SELENOO: variants seen among roughly 807,000 people sequenced by gnomAD.
SELENOO encodes the protein selenoprotein O.
SELENOO carries 74 observed loss-of-function variants against 58.7 expected under a neutral mutation model. The observed-to-expected ratio is 1.26, with a 90% CI of 1.04 to 1.53. The LOEUF is 1.53. Among genes scored for constraint, SELENOO ranks in the 40% most tolerant of loss-of-function variants. The pLI, the probability that SELENOO is intolerant of heterozygous loss-of-function variation, is 0.00. For synonymous variants in SELENOO, 543 were observed against 453.2 expected (o/e 1.20, Z -2.52); for missense variants, 1,149 against 970.0 (o/e 1.18, Z -2.45).
intron 1 of SELENOO, 114 bp downstream of exon 1, chr22:50,201,704 C>T: frequency 1.3e-6 from 1 of 774,472 alleles, no homozygotes; most frequent in Non-Finnish European, 1.7e-6. Flanking sequence ...GGGGCCTCCC[C>T]TGCACCCGCG....
chr22:50,216,124 G>C (rs2064408591), intron 6 of SELENOO, among the ~76,000 whole-genome samples: 2 of 152,200 alleles, frequency 1.3e-5, no homozygotes, highest in African/African-American at 4.8e-5. Context: ...TTCAGAGAAA[G>C]CCTCTGGGTT....
At chr22:50,207,976 G>A (rs377382564) in intron 2 of SELENOO, among the ~76,000 whole-genome samples, 9 of 150,894 alleles carry the variant, frequency 6.0e-5, no homozygotes, top group African/African-American at 1.9e-4. Context: ...GGGCCTGCCC[G>A]GCACGTGCCC....
At chr22:50,212,595 G>C (rs980851200) in intron 5 of SELENOO, among the ~76,000 whole-genome samples, 1 of 152,256 alleles carries the variant, frequency 6.6e-6, no homozygotes, top group African/African-American at 2.4e-5. Flanking sequence ...TGTGTGAGCC[G>C]GTTACCAGCT....
In SELENOO at chr22:50,210,746, G is replaced by C; in HGVS notation, c.1186G>C (p.Glu396Gln). ...LRKLAEALQP[E>Q]LPLELGEAIL... ...GAAGCTGGCCGAGGCCCTGCAGCCG[G>C]AACTGCCCCTGGAGCTGGGGGAGGC... The change falls in exon 5 of 9, where the codon GAA becomes CAA. Residue 396 changes from glutamate to glutamine, a missense_variant. Physicochemically the swap from Glu to Gln is conservative, Grantham distance 29. Coordinates refer to ENST00000380903, the MANE Select transcript of SELENOO (RefSeq NM_031454.2). The C allele has an allele frequency of 1.2e-6, 2 of 1,613,690 alleles. No homozygotes were observed. Among genetic ancestry groups the C allele is most frequent in the Non-Finnish European group, 1.7e-6 (2 of 1,180,022 alleles).
At chr22:50,212,869 G>A (rs970900351) in intron 5 of SELENOO, among the ~76,000 whole-genome samples, 6 of 152,018 alleles carry the variant, frequency 3.9e-5, no homozygotes, top group Admixed American at 2.6e-4. Flanking sequence ...TCTAATCTTC[G>A]TGTAAGTGGA....
chr22:50,217,494 T>A lies in SELENOO; in HGVS notation c.*125T>A. ...TGCCCTGGCCCATGCACACCCGTCTTTCCATGATGGCAGAGACATCCAGTC... is the reference window on the plus strand; with the variant it reads ...TGCCCTGGCCCATGCACACCCGTCTATCCATGATGGCAGAGACATCCAGTC... On this transcript the variant is annotated 3_prime_UTR_variant, in exon 9 of 9. Transcript: ENST00000380903. The A allele has an allele frequency of 8.1e-7, 1 of 1,235,588 alleles. No individual in the cohort carries two copies. Among genetic ancestry groups the A allele is most frequent in the Non-Finnish European group, 1.1e-6 (1 of 888,726 alleles). 76.5% of individuals were successfully genotyped at this position (1,235,588 alleles called of 1,614,324 possible). A position where few individuals can be genotyped will look rare whatever the true frequency, so the allele number is the denominator to read the frequency against.
chr22:50,216,353 C>A (rs1280593900), intron 6 of SELENOO, among the ~76,000 whole-genome samples: 1 of 152,264 alleles, frequency 6.6e-6, no homozygotes, highest in Non-Finnish European at 1.5e-5. Context: ...TGGCCCCTGC[C>A]CACCTGGACC....
At position 50,206,945 on chromosome 22, in the gene SELENOO, T is replaced by G. The variant is rs1047556695; in HGVS notation, c.758+425T>G. 3.9e-5 allele frequency among the ~76,000 whole-genome samples: 6 copies of G among 152,120 alleles called. No individual in the cohort carries two copies. The South Asian group carries it at 1.0e-3, about 26-fold the overall frequency. On this transcript the variant is annotated intron_variant, in intron 2 of 8. Coordinates refer to ENST00000380903, the MANE Select transcript of SELENOO (RefSeq NM_031454.2). Reference sequence around the variant, plus strand: ...GCTGGGGACAGTGTCCAGAGCTGTTTGCTGGAGTTTATGACAAGGAACTAC... The same window carrying G: ...GCTGGGGACAGTGTCCAGAGCTGTTGGCTGGAGTTTATGACAAGGAACTAC...
intron 5 of SELENOO, among the ~76,000 whole-genome samples, chr22:50,212,227 T>C (rs919681599): frequency 2.6e-5 from 4 of 152,120 alleles, no homozygotes; most frequent in African/African-American, 9.7e-5. Context: ...TTCGTAAGAG[T>C]ATTTGGTAGA....
intron 4 of SELENOO, 35 bp from the exon 5 acceptor site, chr22:50,210,596 C>T (rs1236991469): frequency 7.4e-6 from 12 of 1,612,202 alleles, no homozygotes; most frequent in African/African-American, 1.3e-5. Context: ...AACTTCCTCT[C>T]AGGCAGGGCG....
At chr22:50,207,346 A>T (rs1602490094) in intron 2 of SELENOO, among the ~76,000 whole-genome samples, 1 of 151,592 alleles carries the variant, frequency 6.6e-6, no homozygotes, top group African/African-American at 2.4e-5. Context: ...CTGGTCTCGA[A>T]CTCCTGACCT....
chr22:50,202,683 T>A (rs2064310730), intron 1 of SELENOO, among the ~76,000 whole-genome samples: 1 of 152,264 alleles, frequency 6.6e-6, no homozygotes, highest in African/African-American at 2.4e-5. Flanking sequence ...AATCTGTCGC[T>A]GGAAGACACT....
rs2064298567 is a variant in SELENOO at position 50,201,356 on chromosome 22, G to T, written c.320G>T (p.Gly107Val). 2.5e-6 allele frequency: 3 copies of T among 1,197,162 alleles called. No homozygotes were observed. The highest frequency in any genetic ancestry group is 4.5e-5 in the Admixed American group (1 of 21,986). 74.2% of individuals were successfully genotyped at this position (1,197,162 alleles called of 1,614,324 possible). A position where few individuals can be genotyped will look rare whatever the true frequency, so the allele number is the denominator to read the frequency against. The change falls in exon 1 of 9, where the codon GGC (glycine) becomes GTC (valine). Residue 107 changes from glycine (G) to valine (V), a missense_variant. Physicochemically the swap from Gly to Val is moderately radical, Grantham distance 109 (BLOSUM62 -3). Transcript: ENST00000380903. ...TCAGAGCCCGCGCTGGCGTTGCTGG[G>T]CCTGGGCGCGCCGCCCGCGCGCGAG... is the stretch of plus-strand genomic sequence containing the variant. ...ALSEPALALL[G>V]LGAPPAREAE...
intron 2 of SELENOO, among the ~76,000 whole-genome samples, chr22:50,206,997 T>TGAA (rs901093266): frequency 6.6e-6 from 1 of 152,176 alleles, no homozygotes; most frequent in Non-Finnish European, 1.5e-5. Context: ...AAATGGCCAC[T>TGAA]GAAGAAGCAG....
chr22:50,208,447 T>G, intron 2 of SELENOO, 89 bp from the exon 3 acceptor site: 1 of 1,180,270 alleles, frequency 8.5e-7, no homozygotes, highest in South Asian at 1.6e-5. Context: ...AAAAAAAAAA[T>G]AGCCACAACA....
chr22:50,209,918 T>C (rs958527902), intron 3 of SELENOO, among the ~76,000 whole-genome samples: 7 of 152,142 alleles, frequency 4.6e-5, no homozygotes, highest in African/African-American at 1.2e-4. Flanking sequence ...TGGGCCTGAG[T>C]CTGGGGTTCC....
intron 5 of SELENOO, among the ~76,000 whole-genome samples, chr22:50,213,959 A>G (rs987389046): frequency 1.3e-5 from 2 of 152,122 alleles, no homozygotes; most frequent in African/African-American, 4.8e-5. Context: ...TAGATGGTCT[A>G]TCCATTATTA....
At position 50,216,753 on chromosome 22, in the gene SELENOO, C is replaced by A. The variant is rs1446323362; in HGVS notation, c.1565C>A (p.Thr522Asn). 1.9e-6 allele frequency: 3 copies of A among 1,607,628 alleles called. No homozygotes were observed. The highest frequency in any genetic ancestry group is 2.2e-5 in the South Asian group (2 of 90,792). Residue 522 changes from threonine to asparagine, a missense_variant, in exon 7 of 9, where the codon ACC becomes AAC. By Grantham distance (65) the Thr-to-Asn change is moderately conservative. Transcript: ENST00000380903. Reference sequence around the variant, plus strand: ...CCGCAGCTGTTCGCGCTTATGGGCACCCGGGCAGGCATCGCCAGGGAGCTG... The same window carrying A: ...CCGCAGCTGTTCGCGCTTATGGGCAACCGGGCAGGCATCGCCAGGGAGCTG... ...SNPQLFALMGTRAGIARELER... is the reference protein window; with the variant it reads ...SNPQLFALMGNRAGIARELER...
At position 50,206,460 on chromosome 22, in the gene SELENOO, A is replaced by T. The variant is rs546802745; in HGVS notation, c.698A>T (p.Asp233Val). ...ACGGTGGTGCGCGACGTGTTCTATG[A>T]TGGTAATCCCAAATATGAACAATGC... Reference protein sequence around the residue: ...ESTVVRDVFYDGNPKYEQCTV... With the variant: ...ESTVVRDVFYVGNPKYEQCTV... Residue 233 changes from aspartate to valine, a missense_variant, in exon 2 of 9, where the codon GAT becomes GTT. Coordinates refer to ENST00000380903, the MANE Select transcript of SELENOO (RefSeq NM_031454.2). 6.2e-7 allele frequency: 1 copy of T among 1,614,160 alleles called. No individual in the cohort carries two copies. The highest frequency in any genetic ancestry group is 1.1e-5 in the South Asian group (1 of 91,084).
Sources: allele counts gnomAD v4.1 joint callset (sites outside exome capture counted in the v4.1 genomes callset), GRCh38; gene constraint gnomAD v4.1.1; transcripts MANE v1.5; gene names NCBI Gene and HGNC (gene_info 2026-07-23, HGNC 2026-07-21).